Variants in EBF4 observed in about 807,000 individuals in gnomAD.
EBF4 encodes the protein EBF transcription factor 4.
Under a neutral mutation model 67.1 loss-of-function variants are expected in EBF4, and 34 were observed. The ratio of observed to expected loss-of-function variants is 0.51; its 90% CI spans 0.39 to 0.67. EBF4 has a LOEUF of 0.67. Among genes scored for constraint, EBF4 ranks in the 30% least tolerant of loss-of-function variants. The pLI is 0.00. For synonymous variants in EBF4, 387 were observed against 377.7 expected (o/e 1.02, Z -0.29); for missense variants, 837 against 873.3 (o/e 0.96, Z 0.52).
chr20:2,725,482 T>C (rs2087735705), intron 6 of EBF4, among the ~76,000 whole-genome samples: 1 of 152,250 alleles, frequency 6.6e-6, no homozygotes, highest in South Asian at 2.1e-4. Flanking sequence ...TTTCTTTAAA[T>C]GTTTTGTAGT....
chr20:2,702,346 T>A (rs2087388437), intron 1 of EBF4, among the ~76,000 whole-genome samples: 1 of 151,976 alleles, frequency 6.6e-6, no homozygotes, highest in East Asian at 1.9e-4. Context: ...GAGGATCACG[T>A]GAGCCTAGGA....
At chr20:2,730,998 A>G (rs2087806746) in intron 6 of EBF4, among the ~76,000 whole-genome samples, 2 of 152,186 alleles carry the variant, frequency 1.3e-5, no homozygotes, top group South Asian at 4.1e-4. Flanking sequence ...TCCAGGGTTC[A>G]AGCAATTCTC....
exon 10 of EBF4, chr20:2,749,885 G>A (rs1465010150): frequency 1.9e-6 from 3 of 1,551,316 alleles, no homozygotes; most frequent in Admixed American, 2.0e-5. Context: ...AGACGCCCCC[G>A]CGGCACATCC....
At chr20:2,719,311 A>G (rs1019764450) in intron 6 of EBF4, among the ~76,000 whole-genome samples, 2 of 151,336 alleles carry the variant, frequency 1.3e-5, no homozygotes, top group Non-Finnish European at 2.9e-5. Context: ...GTCTTGCTCT[A>G]TTGCCCAAGC....
chr20:2,757,089 T>A (rs1459507029), intron 15 of EBF4, among the ~76,000 whole-genome samples: 1 of 151,948 alleles, frequency 6.6e-6, no homozygotes, highest in Non-Finnish European at 1.5e-5. Flanking sequence ...CAGAACCATC[T>A]CCAAATCCAA....
intron 6 of EBF4, among the ~76,000 whole-genome samples, chr20:2,743,398 G>A (rs763047481): frequency 1.1e-4 from 16 of 152,202 alleles, no homozygotes; most frequent in Non-Finnish European, 1.9e-4. Context: ...GTCCAGCCTT[G>A]GAAGGCAGGA....
chr20:2,712,438 A>G (rs1335214512), intron 6 of EBF4, among the ~76,000 whole-genome samples: 2 of 152,200 alleles, frequency 1.3e-5, no homozygotes, highest in African/African-American at 4.8e-5. Flanking sequence ...GATGTCTCCA[A>G]GGTTTCTGAC....
intron 6 of EBF4, among the ~76,000 whole-genome samples, chr20:2,723,390 G>T (rs969748678): frequency 6.6e-6 from 1 of 151,252 alleles, no homozygotes; most frequent in African/African-American, 2.4e-5. Context: ...TCGCTCTGTC[G>T]CCCAGGCTGG....
intron 14 of EBF4, among the ~76,000 whole-genome samples, chr20:2,753,264 C>G (rs2088186208): frequency 6.6e-6 from 1 of 152,230 alleles, no homozygotes; most frequent in Non-Finnish European, 1.5e-5. Context: ...CCAGCCCTGA[C>G]TGTGGGCGCT....
chr20:2,714,837 G>A (rs898381937), intron 6 of EBF4, among the ~76,000 whole-genome samples: 1 of 152,024 alleles, frequency 6.6e-6, no homozygotes, highest in African/African-American at 2.4e-5. Context: ...TATTTAGAAA[G>A]GCCTTTATCA....
intron 14 of EBF4, among the ~76,000 whole-genome samples, chr20:2,752,842 G>A (rs1033044505): frequency 1.7e-4 from 26 of 152,210 alleles, no homozygotes; most frequent in African/African-American, 6.3e-4. Context: ...CCCTGAAGTG[G>A]GCTCTAATGG....
intron 6 of EBF4, among the ~76,000 whole-genome samples, chr20:2,716,882 A>G (rs1257627229): frequency 6.6e-6 from 1 of 152,222 alleles, no homozygotes; most frequent in African/African-American, 2.4e-5. Context: ...CTATATCTGT[A>G]TAATACCAAT....
At chr20:2,723,090 T>C (rs2087703347) in intron 6 of EBF4, among the ~76,000 whole-genome samples, 1 of 152,236 alleles carries the variant, frequency 6.6e-6, no homozygotes, top group African/African-American at 2.4e-5. Flanking sequence ...TTGACACATA[T>C]ATATTATTAC....
intron 15 of EBF4, among the ~76,000 whole-genome samples, chr20:2,757,776 G>A (rs976333413): frequency 2.0e-5 from 3 of 152,058 alleles, no homozygotes; most frequent in Non-Finnish European, 2.9e-5. Context: ...GCAAAACCTC[G>A]TCTCTAAAAA....
At chr20:2,730,100 C>T (rs1303924503) in intron 6 of EBF4, among the ~76,000 whole-genome samples, 2 of 152,216 alleles carry the variant, frequency 1.3e-5, no homozygotes, top group African/African-American at 2.4e-5. Flanking sequence ...CACTTTGCAG[C>T]TGGGGGATGA....
At chr20:2,758,831 T>C in intron 15 of EBF4, 78 bp from the exon 16 acceptor site, 1 of 1,316,778 alleles carries the variant, frequency 7.6e-7, no homozygotes, top group Non-Finnish European at 1.1e-6. Flanking sequence ...GCCTGCTGTC[T>C]CCAGCCCAGA....
chr20:2,749,795 G>C (rs1029801024), intron 9 of EBF4, 42 bp downstream of exon 9: 2 of 1,541,378 alleles, frequency 1.3e-6, no homozygotes, highest in African/African-American at 2.7e-5. Context: ...CTAGGGGCTG[G>C]GCCCTCCCCT....
chr20:2,759,019 C>T, intron 16 of EBF4, 35 bp downstream of exon 16: 1 of 1,533,840 alleles, frequency 6.5e-7, no homozygotes, highest in Non-Finnish European at 8.8e-7. Context: ...TCCCCCGCCC[C>T]ACCTGGCCCT....
intron 1 of EBF4, among the ~76,000 whole-genome samples, chr20:2,698,606 G>T (rs1331217063): frequency 1.3e-5 from 2 of 152,072 alleles, no homozygotes; most frequent in Non-Finnish European, 2.9e-5. Context: ...GCCCTGTCAG[G>T]ATGGGGCTAA....
Sources: gnomAD v4.1 joint callset for allele counts (sites outside exome capture counted in the v4.1 genomes callset) on GRCh38, gnomAD v4.1.1 for gene constraint, MANE v1.5 for transcripts, NCBI Gene and HGNC (gene_info 2026-07-23, HGNC 2026-07-21) for gene names.